Variants in PTPRQ observed in about 807,000 individuals in gnomAD.
PTPRQ encodes phosphatidylinositol phosphatase PTPRQ.
In PTPRQ, 199 loss-of-function variants were observed where a neutral mutation model predicts 246.0. That is an observed-to-expected ratio of 0.81 (90% CI 0.72 to 0.91). The LOEUF (loss-of-function observed/expected upper bound fraction) is 0.91. Ranked by LOEUF, PTPRQ falls within the 40% of genes least tolerant of loss-of-function variation. The pLI is 0.00. For synonymous variants in PTPRQ, 869 were observed against 853.2 expected (o/e 1.02, Z -0.32); for missense variants, 2,624 against 2,528.4 (o/e 1.04, Z -0.81).
chr12:80,478,013 T>A (rs935190065), intron 8 of PTPRQ, among the ~76,000 whole-genome samples: 1 of 152,190 alleles, frequency 6.6e-6, no homozygotes, highest in Non-Finnish European at 1.5e-5. Flanking sequence ...AAGCTCCAAC[T>A]GGGTGGAGCC....
chr12:80,481,373 T>C (rs1368998788), intron 8 of PTPRQ, among the ~76,000 whole-genome samples: 372 of 151,728 alleles, frequency 2.5e-3, no homozygotes, highest in African/African-American at 8.7e-3. Context: ...TGGGACGTAT[T>C]TCAAAATAAT....
chr12:80,510,571 A>C (rs1478720418), intron 17 of PTPRQ, 128 bp downstream of exon 17: 2 of 983,320 alleles, frequency 2.0e-6, no homozygotes, highest in East Asian at 3.1e-5. Flanking sequence ...GCTAGTTAAT[A>C]TGTTTTGATT....
chr12:80,550,289 CT>C (rs1896435019), intron 25 of PTPRQ, among the ~76,000 whole-genome samples: 1 of 152,110 alleles, frequency 6.6e-6, no homozygotes, highest in Non-Finnish European at 1.5e-5. Context: ...ATCCTATTTT[CT>C]TCCATATTCT....
At chr12:80,591,515 T>A (rs1897801703) in intron 26 of PTPRQ, among the ~76,000 whole-genome samples, 1 of 152,142 alleles carries the variant, frequency 6.6e-6, no homozygotes, top group Non-Finnish European at 1.5e-5. Flanking sequence ...TTCATTAAGT[T>A]CTAGTGGGTA....
Position 80,620,518 on chromosome 12 carries a change from A to G in PTPRQ, c.5612+142A>G, listed in dbSNP as rs550707797. The stretch of plus-strand genomic sequence containing the variant: ...GTGACCTGATTTTTCTGGCACTAGG[A>G]ATAGAAAGATAAACTGAAAATTATT... On this transcript the variant is annotated intron_variant, in intron 32 of 44. Coordinates refer to ENST00000644991, the MANE Select transcript of PTPRQ (RefSeq NM_001145026.2). 2.8e-5 allele frequency: 34 copies of G among 1,235,846 alleles called. No individual in the cohort carries two copies. The African/African-American group carries it at 5.2e-4, about 19-fold the overall frequency. The allele number at this position is 1,235,846 out of a possible 1,614,324, so 76.6% of individuals were successfully genotyped here.
At chr12:80,650,721 A>G (rs1900227998) in intron 37 of PTPRQ, among the ~76,000 whole-genome samples, 1 of 152,086 alleles carries the variant, frequency 6.6e-6, no homozygotes, top group Non-Finnish European at 1.5e-5. Flanking sequence ...TTAGACAGCA[A>G]GAATTCTCAA....
At chr12:80,486,847 A>G (rs1017375569) in intron 9 of PTPRQ, among the ~76,000 whole-genome samples, 2 of 152,130 alleles carry the variant, frequency 1.3e-5, no homozygotes, top group African/African-American at 4.8e-5. Flanking sequence ...TTGTGTTCTT[A>G]TCTCCTTCAA....
chr12:80,493,580 T>G, intron 10 of PTPRQ, 125 bp downstream of exon 10: 2 of 1,345,838 alleles, frequency 1.5e-6, no homozygotes, highest in Non-Finnish European at 1.9e-6. Context: ...TCGGATTTTT[T>G]TTTAGCTGTC....
At chr12:80,487,438 T>C (rs1384511685) in intron 9 of PTPRQ, among the ~76,000 whole-genome samples, 2 of 152,056 alleles carry the variant, frequency 1.3e-5, no homozygotes, top group South Asian at 2.1e-4. Context: ...GGTACCTGGG[T>C]TTAGAATTTT....
chr12:80,533,408 G>A (rs1462234643), intron 17 of PTPRQ, among the ~76,000 whole-genome samples: 2 of 151,928 alleles, frequency 1.3e-5, no homozygotes, highest in African/African-American at 2.4e-5. Context: ...ATACTTTAAA[G>A]ATTTTGATTG....
intron 17 of PTPRQ, among the ~76,000 whole-genome samples, chr12:80,513,468 C>T (rs1053187866): frequency 2.6e-5 from 4 of 152,182 alleles, no homozygotes; most frequent in African/African-American, 7.2e-5. Flanking sequence ...CTGTCAACGT[C>T]CAGCCGCTTG....
In PTPRQ at chr12:80,660,315, C is replaced by T. The variant is rs141894080; in HGVS notation, c.6192+2254C>T. Reference sequence around the variant, plus strand: ...TGAGGGATGTATGTTAAGACTGGGACCCTCCAGCCCAGGGTTTATAACTAG... The same window carrying T: ...TGAGGGATGTATGTTAAGACTGGGATCCTCCAGCCCAGGGTTTATAACTAG... On this transcript the variant is annotated intron_variant, in intron 39 of 44. Coordinates refer to ENST00000644991, the MANE Select transcript of PTPRQ (RefSeq NM_001145026.2). Among the ~76,000 whole-genome samples, 748 of 152,106 alleles carry T rather than the reference C, an allele frequency of 4.9e-3. 5 individuals are homozygous for T. Among genetic ancestry groups the T allele is most frequent in the African/African-American group, 0.013 (537 of 41,526 alleles).
At position 80,605,050 on chromosome 12, in the gene PTPRQ, T is replaced by A; in HGVS notation, c.4610-9T>A. ...ATGTAGCTAGATAATTAATTTTCTA[T>A]TGTCATAGCTCCAGATGGTCCTCCT... On this transcript the variant is annotated splice_polypyrimidine_tract_variant and intron_variant, in intron 26 of 44. Transcript: ENST00000644991. 1 of 1,534,296 alleles carries A rather than the reference T, an allele frequency of 6.5e-7. No individual in the cohort carries two copies. Among genetic ancestry groups the A allele is most frequent in the Non-Finnish European group, 8.8e-7 (1 of 1,138,066 alleles).
At chr12:80,536,106 C>CAAAAGA (rs1895981633) in intron 19 of PTPRQ, among the ~76,000 whole-genome samples, 1 of 152,110 alleles carries the variant, frequency 6.6e-6, no homozygotes, top group African/African-American at 2.4e-5. Context: ...GACTCCATCT[C>CAAAAGA]AAAAGAAAAA....
At chr12:80,590,590 C>A (rs1196892218) in intron 26 of PTPRQ, among the ~76,000 whole-genome samples, 2 of 149,680 alleles carry the variant, frequency 1.3e-5, no homozygotes, top group Non-Finnish European at 2.9e-5. Context: ...ATGGCATGAA[C>A]CCGGAAGGCG....
chr12:80,579,235 T>G (rs958235310), intron 25 of PTPRQ, among the ~76,000 whole-genome samples: 1 of 152,212 alleles, frequency 6.6e-6, no homozygotes, highest in Non-Finnish European at 1.5e-5. Flanking sequence ...TCTCTGTCTG[T>G]TGTTTCTCTG....
chr12:80,666,818 G>T (rs1900800798), intron 39 of PTPRQ, among the ~76,000 whole-genome samples: 1 of 151,180 alleles, frequency 6.6e-6, no homozygotes. Flanking sequence ...AGCAAATTCA[G>T]TTGGTTTTGC....
Position 80,588,324 on chromosome 12 carries a change from C to G in PTPRQ, c.4481C>G (p.Ala1494Gly), listed in dbSNP as rs1369910820. ...EYQKIQYLYE[A>G]HLTEETVYGL... The stretch of plus-strand genomic sequence containing the variant: ...CAAAAAATTCAATACCTCTATGAAG[C>G]TCACTTAACTGAAGAGACAGTATAT... The change falls in exon 26 of 45, where the codon GCT becomes GGT. Residue 1494 changes from alanine to glycine, a missense_variant. Coordinates refer to ENST00000644991, the MANE Select transcript of PTPRQ (RefSeq NM_001145026.2). 1.3e-6 allele frequency: 2 copies of G among 1,551,470 alleles called. No homozygotes were observed. The highest frequency in any genetic ancestry group is 4.9e-5 in the East Asian group (2 of 40,894).
chr12:80,560,183 C>G (rs1012690775), intron 25 of PTPRQ, among the ~76,000 whole-genome samples: 1 of 152,212 alleles, frequency 6.6e-6, no homozygotes, highest in Admixed American at 6.5e-5. Context: ...CCCTGATGCT[C>G]TGCTCCAGGA....
Sources: gnomAD v4.1 joint callset for allele counts (sites outside exome capture counted in the v4.1 genomes callset) on GRCh38, gnomAD v4.1.1 for gene constraint, MANE v1.5 for transcripts, NCBI Gene and HGNC (gene_info 2026-07-23, HGNC 2026-07-21) for gene names.